TTC23L: variants seen among roughly 807,000 people sequenced by gnomAD.
TTC23L encodes tetratricopeptide repeat domain 23 like.
A neutral mutation model predicts 48.1 loss-of-function variants in TTC23L; 42 were observed. The ratio of observed to expected loss-of-function variants is 0.87; its 90% confidence interval spans 0.68 to 1.13. The LOEUF is 1.13. TTC23L is among the 50% of genes most tolerant of loss of function. TTC23L has a pLI of 0.00. For synonymous variants in TTC23L, 159 were observed against 157.2 expected, an observed-to-expected ratio of 1.01 and a Z score of -0.09; for missense variants, 391 against 421.0, an observed-to-expected ratio of 0.93 and a Z score of 0.62.
At chr5:34,860,257 CACTT>C (rs914928885) in intron 4 of TTC23L, among the ~76,000 whole-genome samples, 18 of 152,320 alleles carry the variant, frequency 1.2e-4, no homozygotes, top group African/African-American at 4.1e-4. Flanking sequence ...TACATACACA[CACTT>C]GCTTGTTCTG....
chr5:34,900,427 G>A (rs111698352), downstream of TTC23L, among the ~76,000 whole-genome samples: 4,590 of 152,106 alleles, frequency 0.03, 102 homozygotes, highest in Non-Finnish European at 0.045. Context: ...CTTGAGCCCA[G>A]GAGGTCGAGG....
At chr5:34,902,464 G>A, downstream of TTC23L, 1 of 314,524 alleles carries the variant, frequency 3.2e-6, no homozygotes, top group Non-Finnish European at 6.5e-6. Flanking sequence ...TGTCTTTGGG[G>A]ATCCAAGTGT....
chr5:34,915,329 A>T, the TTC23L span: 1 of 248,968 alleles, frequency 4.0e-6, no homozygotes, highest in African/African-American at 2.2e-5. Flanking sequence ...ATAATCCTCC[A>T]AGAGTCCCAG....
chr5:34,841,113 ATC>A (rs1209349734), intron 2 of TTC23L, among the ~76,000 whole-genome samples: 1 of 152,168 alleles, frequency 6.6e-6, no homozygotes, highest in Non-Finnish European at 1.5e-5. Context: ...CTGCTATAAT[ATC>A]TGTTTGTATT....
At chr5:34,873,874 G>T (rs1235957794) in intron 8 of TTC23L, among the ~76,000 whole-genome samples, 1 of 152,102 alleles carries the variant, frequency 6.6e-6, no homozygotes, top group East Asian at 1.9e-4. Flanking sequence ...ATAGGCTGAA[G>T]GTATTTAAGC....
At chr5:34,887,580 G>A (rs1049399498) in intron 9 of TTC23L, among the ~76,000 whole-genome samples, 41 of 152,124 alleles carry the variant, frequency 2.7e-4, no homozygotes, top group African/African-American at 9.4e-4. Context: ...ATCTGAATTA[G>A]AAGTTTTAAG....
downstream of TTC23L, among the ~76,000 whole-genome samples, chr5:34,901,485 G>A (rs111767116): frequency 6.3e-3 from 966 of 152,292 alleles, 14 homozygotes; most frequent in African/African-American, 0.022. Flanking sequence ...GGGGACGGCC[G>A]GGCATGGTGG....
chr5:34,844,416 C>T (rs1758940391), intron 2 of TTC23L, among the ~76,000 whole-genome samples: 1 of 131,624 alleles, frequency 7.6e-6, no homozygotes, highest in Non-Finnish European at 1.5e-5. Context: ...TTAAAGGTGG[C>T]ACAGACCCAA....
intron 8 of TTC23L, among the ~76,000 whole-genome samples, chr5:34,879,966 A>G (rs1762107437): frequency 6.6e-6 from 1 of 152,222 alleles, no homozygotes; most frequent in Non-Finnish European, 1.5e-5. Flanking sequence ...GCTGCACCCC[A>G]GCCTGGCAAC....
At chr5:34,893,417 T>A (rs889644088) in intron 9 of TTC23L, among the ~76,000 whole-genome samples, 1 of 152,172 alleles carries the variant, frequency 6.6e-6, no homozygotes, top group Non-Finnish European at 1.5e-5. Context: ...AAAGAAATGA[T>A]TCTGAAGCTA....
the TTC23L span, chr5:34,908,985 C>G: frequency 2.6e-6 from 4 of 1,519,568 alleles, no homozygotes; most frequent in Non-Finnish European, 3.6e-6. Context: ...TATATCAACA[C>G]AGTGAACACT....
In TTC23L at chr5:34,863,032, G is replaced by T; in HGVS notation, c.514G>T (p.Val172Leu). The T allele has an allele frequency of 6.2e-7, 1 of 1,613,954 alleles. No homozygotes were observed. Among genetic ancestry groups the T allele is most frequent in the Non-Finnish European group, 8.5e-7 (1 of 1,179,870 alleles). The change falls in exon 5 of 11, where the codon GTG becomes TTG. Residue 172 changes from valine (V) to leucine (L), a missense_variant. Coordinates refer to ENST00000505624, the Ensembl canonical transcript of TTC23L. This position sits in a 1 kb window ranked among gnomAD's most constrained non-coding sequence, Gnocchi z 4.1. ...GGTCAAGCTGTACTACACTCTGGGCGTGGCCTGGCTCCTGCAGAACCGATA... is the reference window on the plus strand; with the variant it reads ...GGTCAAGCTGTACTACACTCTGGGCTTGGCCTGGCTCCTGCAGAACCGATA...
chr5:34,911,769 G>A, the TTC23L span: 1 of 1,614,124 alleles, frequency 6.2e-7, no homozygotes, highest in Non-Finnish European at 8.5e-7. Context: ...GCATCAAAGG[G>A]TAACCATAAC....
the TTC23L span, chr5:34,918,372 GA>G: frequency 6.8e-7 from 1 of 1,471,606 alleles, no homozygotes; most frequent in Non-Finnish European, 9.4e-7. Context: ...AGGGAAAGTG[GA>G]AAAATAAGGA....
the TTC23L span, chr5:34,922,061 A>G: frequency 2.4e-6 from 1 of 424,664 alleles, no homozygotes; most frequent in Non-Finnish European, 4.2e-6. Context: ...GGAACTTTAA[A>G]GGTTCCTTCT....
At chr5:34,842,343 A>G (rs1201190052) in intron 2 of TTC23L, among the ~76,000 whole-genome samples, 4 of 130,856 alleles carry the variant, frequency 3.1e-5, no homozygotes, top group African/African-American at 1.0e-4. Context: ...ACCAAGTTGG[A>G]TAGCATTTTT....
chr5:34,852,862 G>A (rs1007212453), intron 4 of TTC23L, among the ~76,000 whole-genome samples: 1 of 152,172 alleles, frequency 6.6e-6, no homozygotes, highest in Non-Finnish European at 1.5e-5. Context: ...AATCATGATG[G>A]AAGGCCAAGG....
chr5:34,898,480 G>A (rs894242402), intron 10 of TTC23L, among the ~76,000 whole-genome samples: 11 of 152,182 alleles, frequency 7.2e-5, no homozygotes, highest in African/African-American at 2.7e-4. Flanking sequence ...TGCGACAGAA[G>A]TAGGCCCGAG....
Position 34,845,494 on chromosome 5 carries a change from CAA to C in TTC23L, c.78_79del (p.Gln26HisfsTer11). 2 of 1,612,840 alleles carry C rather than the reference CAA, an allele frequency of 1.2e-6. No individual in the cohort carries two copies. Among genetic ancestry groups the C allele is most frequent in the Non-Finnish European group, 1.7e-6 (2 of 1,179,520 alleles). ...CCTCTCTCATACCTACAGGTCACAG[CAA>C]ACCGAGATCCCAGCTCACCAGCAAA... On this transcript the variant is annotated frameshift_variant, in exon 3 of 11. Coordinates refer to ENST00000505624, the Ensembl canonical transcript of TTC23L. LOFTEE classifies it high-confidence loss of function.
Sources: allele counts gnomAD v4.1 joint callset (sites outside exome capture counted in the v4.1 genomes callset), GRCh38; gene constraint gnomAD v4.1.1; non-coding constraint Gnocchi (gnomAD v3.1); transcripts MANE v1.5; gene names NCBI Gene and HGNC (gene_info 2026-07-23, HGNC 2026-07-21).